HADHB: variants seen among roughly 807,000 people sequenced by gnomAD.
HADHB encodes the protein trifunctional enzyme subunit beta, mitochondrial.
HADHB carries 50 observed loss-of-function variants against 61.9 expected under a neutral mutation model. That is an observed-to-expected ratio of 0.81 (90% confidence interval 0.64 to 1.02). The LOEUF is 1.02. HADHB is among the 50% of genes least tolerant of loss of function. The pLI is 0.00. For missense variants in HADHB, 504 were observed against 586.5 expected (o/e 0.86, Z 1.45); for synonymous variants, 191 against 201.6 (o/e 0.95, Z 0.45).
chr2:26,268,127 G>A (rs1009282367), intron 4 of HADHB, among the ~76,000 whole-genome samples: 5 of 152,090 alleles, frequency 3.3e-5, no homozygotes, highest in Non-Finnish European at 5.9e-5. Context: ...GAGTGACAGA[G>A]TGAGACCCTA....
intron 4 of HADHB, among the ~76,000 whole-genome samples, chr2:26,266,828 C>T (rs1672099927): frequency 7.0e-6 from 1 of 142,472 alleles, no homozygotes; most frequent in Admixed American, 7.3e-5. Flanking sequence ...CACCACTGCA[C>T]TCCAGCCCTC....
rs1288925190 is a variant in HADHB at position 26,279,119 on chromosome 2, A to T, written c.631-16A>T. On this transcript the variant is annotated splice_polypyrimidine_tract_variant and intron_variant, in intron 8 of 15. Transcript: ENST00000317799. ...GGTTAACAGTGTACCTGCTCCTTGG[A>T]TATCTCCTTTCCCAGCTCCCTGCGG... 4 of 1,607,224 alleles carry T rather than the reference A, an allele frequency of 2.5e-6. No individual in the cohort carries two copies. The East Asian group carries it at 8.9e-5, about 36-fold the overall frequency.
intron 15 of HADHB, among the ~76,000 whole-genome samples, chr2:26,285,786 G>A (rs1673011663): frequency 1.0e-5 from 1 of 95,588 alleles, no homozygotes; most frequent in Non-Finnish European, 2.0e-5. Context: ...CACCCAGGTT[G>A]GAATGCAGTG....
intron 3 of HADHB, chr2:26,261,059 C>T (rs1471794931): frequency 7.0e-7 from 1 of 1,420,590 alleles, no homozygotes; most frequent in Non-Finnish European, 9.6e-7. Flanking sequence ...ATGGATGGAT[C>T]ATTGGTGAGT....
At chr2:26,284,339 A>G in intron 13 of HADHB, 135 bp downstream of exon 13, 2 of 742,886 alleles carry the variant, frequency 2.7e-6, no homozygotes, top group South Asian at 1.4e-5. Context: ...GTACTGATTC[A>G]CACTGCTGGG....
intron 4 of HADHB, among the ~76,000 whole-genome samples, chr2:26,264,002 T>G (rs1263529001): frequency 6.6e-6 from 1 of 152,184 alleles, no homozygotes; most frequent in Non-Finnish European, 1.5e-5. Context: ...GCTCTTCTCC[T>G]TGGCCTTTTG....
At chr2:26,271,455 C>T (rs1435911298) in intron 5 of HADHB, among the ~76,000 whole-genome samples, 1 of 151,538 alleles carries the variant, frequency 6.6e-6, no homozygotes, top group African/African-American at 2.4e-5. Flanking sequence ...TGCAGTGAGC[C>T]GAGATCACGC....
Position 26,282,889 on chromosome 2 carries a change from T to G in HADHB, c.978T>G (p.Ala326=). 6.2e-7 allele frequency: 1 copy of G among 1,613,108 alleles called. No homozygotes were observed. Among genetic ancestry groups the G allele is most frequent in the Non-Finnish European group, 8.5e-7 (1 of 1,179,182 alleles). ...TGTTAATCATGGCGGAGGAAAAGGC[T>G]CTGGCCATGGGTTATAAGCCGAAGG... ...SAMLIMAEEK[A]LAMGYKPKAY... Residue 326 remains alanine, a synonymous_variant, in exon 11 of 16, where the codon GCT becomes GCG. Transcript: ENST00000317799.
At chr2:26,274,843 C>T (rs1362141520) in intron 6 of HADHB, among the ~76,000 whole-genome samples, 1 of 151,606 alleles carries the variant, frequency 6.6e-6, no homozygotes, top group African/African-American at 2.4e-5. Context: ...GCTTTTTATC[C>T]CATCCTTTCT....
At chr2:26,281,443 C>A (rs1672783627) in intron 10 of HADHB, among the ~76,000 whole-genome samples, 1 of 152,172 alleles carries the variant, frequency 6.6e-6, no homozygotes, top group Non-Finnish European at 1.5e-5. Flanking sequence ...GGATGGAACA[C>A]CACCCTGTTA....
At chr2:26,251,073 A>T (rs1437098124) in intron 1 of HADHB, among the ~76,000 whole-genome samples, 5 of 151,238 alleles carry the variant, frequency 3.3e-5, no homozygotes, top group Non-Finnish European at 5.9e-5. Flanking sequence ...TATACACTAA[A>T]TTCTTACATA....
rs1305873762 is a variant in HADHB, at chr2:26,283,031, A to T, written c.1041A>T (p.Pro347=). 6.2e-7 allele frequency: 1 copy of T among 1,608,200 alleles called. No individual in the cohort carries two copies. The highest frequency in any genetic ancestry group is 8.5e-7 in the Non-Finnish European group (1 of 1,174,680). The stretch of plus-strand genomic sequence containing the variant: ...ATTTTATGTATGTGTCTCAGGATCC[A>T]AAAGATCAACTATTACTTGGGTAGG... ...LRDFMYVSQD[P]KDQLLLGPTY... is the part of the protein sequence containing the mutation. The change falls in exon 12 of 16, where the codon CCA becomes CCT. Residue 347 remains proline (P), a synonymous_variant. Transcript: ENST00000317799.
Position 26,290,054 on chromosome 2 carries a change from T to G in HADHB, c.*101T>G. The G allele has an allele frequency of 1.2e-6, 1 of 848,578 alleles. No homozygotes were observed. Among genetic ancestry groups the G allele is most frequent in the Non-Finnish European group, 2.1e-6 (1 of 486,082 alleles). The allele number at this position is 848,578 out of a possible 1,614,324, so 52.6% of individuals were successfully genotyped here. ...TGACATTTGTAGTTCCTAGCTCCTC[T>G]TAGGAAAACAGTTCTTGTGGCCTTC... is the stretch of plus-strand genomic sequence containing the variant. On this transcript the variant is annotated 3_prime_UTR_variant, in exon 16 of 16. Coordinates refer to ENST00000317799, the MANE Select transcript of HADHB (RefSeq NM_000183.3).
At chr2:26,272,807 G>C (rs1672399358) in intron 5 of HADHB, among the ~76,000 whole-genome samples, 1 of 152,004 alleles carries the variant, frequency 6.6e-6, no homozygotes, top group South Asian at 2.1e-4. Flanking sequence ...TCTGGGGCCG[G>C]GTATAGTGGC....
chr2:26,286,415 A>G (rs1028706616), intron 15 of HADHB, among the ~76,000 whole-genome samples: 5 of 152,096 alleles, frequency 3.3e-5, no homozygotes, highest in African/African-American at 9.7e-5. Flanking sequence ...TTTCCTTTCT[A>G]CTTCACTTGC....
chr2:26,283,992 C>G, intron 12 of HADHB, 125 bp from the exon 13 acceptor site: 1 of 680,402 alleles, frequency 1.5e-6, no homozygotes, highest in Admixed American at 2.2e-5. Context: ...TTAATCAGTA[C>G]AGAAAAATCA....
intron 4 of HADHB, among the ~76,000 whole-genome samples, chr2:26,266,591 A>G (rs947930261): frequency 1.3e-5 from 2 of 151,794 alleles, no homozygotes; most frequent in Non-Finnish European, 2.9e-5. Context: ...ATTGTAAATG[A>G]TAAGTTGGCT....
At chr2:26,289,519 A>T (rs897999073) in intron 15 of HADHB, among the ~76,000 whole-genome samples, 14 of 152,120 alleles carry the variant, frequency 9.2e-5, no homozygotes, top group Non-Finnish European at 1.3e-4. Context: ...TTATACAGTT[A>T]AAAAAGCCCC....
rs933816749 is a variant in HADHB, at chr2:26,244,987, C to T, written c.-12C>T. 3.8e-6 allele frequency: 1 copy of T among 260,338 alleles called. No homozygotes were observed. The highest frequency in any genetic ancestry group is 2.2e-5 in the African/African-American group (1 of 45,848). 16.1% of individuals were successfully genotyped at this position (260,338 alleles called of 1,614,324 possible). A position where few individuals can be genotyped will look rare whatever the true frequency, so the allele number is the denominator to read the frequency against. On this transcript the variant is annotated 5_prime_UTR_variant, in exon 1 of 16. Coordinates refer to ENST00000317799, the MANE Select transcript of HADHB (RefSeq NM_000183.3). ...AGAGGGAGTCCTCGCGGACGTCAGC[C>T]AAGGTGAGACGGCGAGCCCTCAGCT...
Sources: allele counts gnomAD v4.1 joint callset (sites outside exome capture counted in the v4.1 genomes callset), GRCh38; gene constraint gnomAD v4.1.1; transcripts MANE v1.5; gene names NCBI Gene and HGNC (gene_info 2026-07-23, HGNC 2026-07-21).